The following SH3BGRL variants were observed in gnomAD, a reference collection of about 807,000 sequenced individuals.
SH3BGRL encodes the protein adapter SH3BGRL.
A neutral mutation model predicts 9.8 loss-of-function variants in SH3BGRL; 7 were observed. The observed-to-expected ratio is 0.72, with a 90% CI of 0.41 to 1.35. The LOEUF is 1.35. Among genes scored for constraint, SH3BGRL ranks in the 40% most tolerant of loss-of-function variants. The probability of loss-of-function intolerance (pLI) is 0.01; values close to 1 mark genes in which losing one functional copy is unlikely to be tolerated. For synonymous variants in SH3BGRL, 36 were observed against 29.1 expected, an observed-to-expected ratio of 1.24 and a Z score of -0.76; for missense variants, 73 against 84.4, an observed-to-expected ratio of 0.86 and a Z score of 0.53.
At chrX:81,276,701 A>G (rs2075799215) in intron 1 of SH3BGRL, among the ~76,000 whole-genome samples, 1 of 111,499 alleles carries the variant, frequency 9.0e-6, no homozygotes, top group Admixed American at 9.5e-5. Context: ...CTGCATTTTT[A>G]GATATTGATA....
chrX:81,298,527 T>C lies in SH3BGRL; in HGVS notation c.*1300T>C, dbSNP rs1485433979. The C allele has an allele frequency of 1.8e-5, 2 of 111,633 alleles. No individual in the cohort carries two copies. Among genetic ancestry groups the C allele is most frequent in the Non-Finnish European group, 3.8e-5 (2 of 52,869 alleles). The allele number at this position is 111,633 out of a possible 1,213,427, so 9.2% of individuals were successfully genotyped here. ...CTTGATGCTATGCTTTAAAATAAAC[T>C]CAGTACTTTTAGAAACATAACTTAT... On this transcript the variant is annotated 3_prime_UTR_variant, in exon 4 of 4. Transcript: ENST00000373212.
intron 1 of SH3BGRL, chrX:81,237,127 G>A: frequency 3.7e-6 from 3 of 812,874 alleles, no homozygotes; most frequent in African/African-American, 2.1e-5. Flanking sequence ...GGGAAGAGAT[G>A]GATCAAGATG....
At chrX:81,236,905 GA>G (rs1335473988) in intron 1 of SH3BGRL, among the ~76,000 whole-genome samples, 133 of 105,415 alleles carry the variant, frequency 1.3e-3, no homozygotes, top group Middle Eastern at 5.0e-3. Flanking sequence ...CTGAGGGAGA[GA>G]GAGAGAGAGA....
chrX:81,285,804 C>T (rs1250173974), intron 3 of SH3BGRL, among the ~76,000 whole-genome samples: 1 of 111,224 alleles, frequency 9.0e-6, no homozygotes, highest in Non-Finnish European at 1.9e-5. Context: ...TGTAAATGAG[C>T]TACAGAATTA....
At chrX:81,291,100 T>C (rs768133477) in intron 3 of SH3BGRL, among the ~76,000 whole-genome samples, 95 of 112,064 alleles carry the variant, frequency 8.5e-4, no homozygotes, top group Non-Finnish European at 1.5e-3. Context: ...CTTTAACATA[T>C]TCATTTTGAC....
intron 1 of SH3BGRL, among the ~76,000 whole-genome samples, chrX:81,228,616 A>G (rs1218348412): frequency 9.0e-6 from 1 of 111,385 alleles, no homozygotes. Flanking sequence ...CCTTCCCATC[A>G]TGGCCTGAAC....
intron 3 of SH3BGRL, among the ~76,000 whole-genome samples, chrX:81,288,606 AACAT>A (rs1358163849): frequency 1.8e-5 from 2 of 112,583 alleles, no homozygotes; most frequent in Non-Finnish European, 3.8e-5. Flanking sequence ...ATGCAAAATC[AACAT>A]ACAAAGTCAG....
intron 1 of SH3BGRL, among the ~76,000 whole-genome samples, chrX:81,228,232 T>C (rs1179963522): frequency 9.0e-6 from 1 of 111,313 alleles, no homozygotes; most frequent in Non-Finnish European, 1.9e-5. Context: ...TCCAGCTTGG[T>C]TTTATATATT....
intron 1 of SH3BGRL, among the ~76,000 whole-genome samples, chrX:81,226,321 T>C (rs2075616501): frequency 9.1e-6 from 1 of 109,444 alleles, no homozygotes; most frequent in African/African-American, 3.3e-5. Flanking sequence ...TTTGATTATC[T>C]GTCTAAAGAT....
chrX:81,242,096 G>A (rs1175527498), intron 1 of SH3BGRL, among the ~76,000 whole-genome samples: 1 of 112,592 alleles, frequency 8.9e-6, no homozygotes, highest in Non-Finnish European at 1.9e-5. Flanking sequence ...TACTGAAGCA[G>A]AAGGTGCTGC....
At chrX:81,282,991 T>C (rs894475958) in intron 3 of SH3BGRL, among the ~76,000 whole-genome samples, 3 of 112,096 alleles carry the variant, frequency 2.7e-5, no homozygotes, top group African/African-American at 9.7e-5. Context: ...GGAAATATTA[T>C]AACTGACACC....
chrX:81,219,231 T>C (rs757489828), intron 1 of SH3BGRL, among the ~76,000 whole-genome samples: 4 of 109,822 alleles, frequency 3.6e-5, no homozygotes, highest in Non-Finnish European at 7.6e-5. Context: ...CAGGTAACTA[T>C]ATATATATAT....
intron 1 of SH3BGRL, among the ~76,000 whole-genome samples, chrX:81,276,634 AG>A (rs2075799048): frequency 9.0e-6 from 1 of 111,297 alleles, no homozygotes; most frequent in Non-Finnish European, 1.9e-5. Context: ...TGAAACTAAG[AG>A]AGGCTTGTAG....
intron 1 of SH3BGRL, among the ~76,000 whole-genome samples, chrX:81,214,535 A>T (rs1246749446): frequency 8.9e-6 from 1 of 111,995 alleles, no homozygotes; most frequent in Admixed American, 9.5e-5. Flanking sequence ...TCACCATAGA[A>T]TCAACTTTAA....
At chrX:81,288,377 G>A (rs1465511822) in intron 3 of SH3BGRL, among the ~76,000 whole-genome samples, 4 of 112,065 alleles carry the variant, frequency 3.6e-5, no homozygotes, top group Non-Finnish European at 5.6e-5. Flanking sequence ...AAGATATGGA[G>A]CACTACATTG....
intron 1 of SH3BGRL, among the ~76,000 whole-genome samples, chrX:81,253,677 G>A (rs1411829677): frequency 8.9e-6 from 1 of 112,318 alleles, no homozygotes; most frequent in Non-Finnish European, 1.9e-5. Flanking sequence ...TCAAAAATCT[G>A]TAAGACAAGA....
chrX:81,221,843 A>C (rs1293634179), intron 1 of SH3BGRL, among the ~76,000 whole-genome samples: 1 of 112,267 alleles, frequency 8.9e-6, no homozygotes, highest in Non-Finnish European at 1.9e-5. Context: ...CTTGAGCATA[A>C]CACTGAAAGT....
chrX:81,229,849 G>GA (rs2075627738), intron 1 of SH3BGRL, among the ~76,000 whole-genome samples: 1 of 112,061 alleles, frequency 8.9e-6, no homozygotes, highest in Admixed American at 9.4e-5. Flanking sequence ...ATTTGGGCAG[G>GA]AAAACAGAAA....
At chrX:81,235,502 C>A (rs2075645238) in intron 1 of SH3BGRL, among the ~76,000 whole-genome samples, 1 of 110,487 alleles carries the variant, frequency 9.1e-6, no homozygotes, top group Admixed American at 9.7e-5. Flanking sequence ...AATAGTGCCT[C>A]AAGCAAACAA....
Sources: gnomAD v4.1 joint callset for allele counts (sites outside exome capture counted in the v4.1 genomes callset) on GRCh38, gnomAD v4.1.1 for gene constraint, MANE v1.5 for transcripts, NCBI Gene and HGNC (gene_info 2026-07-23, HGNC 2026-07-21) for gene names.